The following ADGB variants were observed in gnomAD, a reference collection of about 807,000 sequenced individuals.
ADGB encodes the protein androglobin, also known as calpain-7-like protein.
A neutral mutation model predicts 210.5 loss-of-function variants in ADGB; 172 were observed. The observed-to-expected ratio is 0.82, with a 90% CI of 0.72 to 0.93. The LOEUF (loss-of-function observed/expected upper bound fraction) is 0.93. Ranked by LOEUF, ADGB falls within the 40% of genes least tolerant of loss-of-function variation. The pLI is 0.00. For missense variants in ADGB, 2,025 were observed against 1,964.8 expected, an observed-to-expected ratio of 1.03 and a Z score of -0.58; for synonymous variants, 658 against 662.7, an observed-to-expected ratio of 0.99 and a Z score of 0.11.
chr6:146,714,874 ATTTTT>A (rs1363228381), intron 13 of ADGB, among the ~76,000 whole-genome samples: 19 of 152,138 alleles, frequency 1.2e-4, no homozygotes, highest in African/African-American at 4.3e-4. Flanking sequence ...TTTTATATTT[ATTTTT>A]GTGTTCCAGA....
chr6:146,761,952 G>A (rs1051206859), intron 27 of ADGB, among the ~76,000 whole-genome samples: 4 of 151,986 alleles, frequency 2.6e-5, no homozygotes, highest in African/African-American at 9.7e-5. Flanking sequence ...GCCTATCTCT[G>A]CCAACATCTT....
intron 4 of ADGB, among the ~76,000 whole-genome samples, chr6:146,655,553 G>A (rs1003195072): frequency 6.6e-6 from 1 of 152,108 alleles, no homozygotes; most frequent in Non-Finnish European, 1.5e-5. Context: ...GAGGAGTGGG[G>A]CATAGTCAAT....
chr6:146,711,475 T>A (rs539672888), intron 13 of ADGB, among the ~76,000 whole-genome samples: 1 of 152,252 alleles, frequency 6.6e-6, no homozygotes, highest in East Asian at 1.9e-4. Flanking sequence ...TCTGATGGAC[T>A]TCCTATTTTT....
chr6:146,686,678 A>C (rs183341986), intron 10 of ADGB, among the ~76,000 whole-genome samples: 294 of 152,272 alleles, frequency 1.9e-3, no homozygotes, highest in African/African-American at 6.6e-3. Context: ...AAGTCCATCA[A>C]GTTATTAACA....
rs1215294184 is a variant in ADGB, at chr6:146,672,427, A to G, written c.1047A>G (p.Thr349=). 1 of 1,550,652 alleles carries G rather than the reference A, an allele frequency of 6.4e-7. No homozygotes were observed. The highest frequency in any genetic ancestry group is 2.0e-5 in the Admixed American group (1 of 50,794). Residue 349 remains threonine (T), a synonymous_variant, in exon 8 of 36, where the codon ACA becomes ACG. Transcript: ENST00000397944. ...VKEFKPESSL[T]TLKAPEKSDK... ...AATTCAAACCTGAAAGTTCTTTGACAACACTAAAGGCTCCTGAGAAAAGCG... is the reference window on the plus strand; with the variant it reads ...AATTCAAACCTGAAAGTTCTTTGACGACACTAAAGGCTCCTGAGAAAAGCG...
chr6:146,723,224 C>A (rs1283348595), intron 17 of ADGB, among the ~76,000 whole-genome samples: 1 of 152,108 alleles, frequency 6.6e-6, no homozygotes, highest in Non-Finnish European at 1.5e-5. Context: ...CATTTAAATT[C>A]TATAGGCATG....
intron 5 of ADGB, among the ~76,000 whole-genome samples, chr6:146,658,872 C>G (rs1212618009): frequency 3.3e-5 from 5 of 152,170 alleles, no homozygotes; most frequent in African/African-American, 1.2e-4. Flanking sequence ...CCTCAGTGGT[C>G]TCATCAGAGG....
intron 26 of ADGB, among the ~76,000 whole-genome samples, chr6:146,751,224 T>C (rs147076344): frequency 0.011 from 1,665 of 150,974 alleles, 23 homozygotes; most frequent in African/African-American, 0.035. Flanking sequence ...AGTGAGAATA[T>C]GCAGTGTTTG....
chr6:146,746,055 C>A lies in ADGB; in HGVS notation c.3311C>A (p.Ala1104Asp), dbSNP rs1358376388. The A allele has an allele frequency of 2.6e-6, 4 of 1,550,262 alleles. No homozygotes were observed. In the African/African-American group the frequency reaches 4.1e-5, roughly 16 times the overall value. The change falls in exon 26 of 36, where the codon GCC (alanine) becomes GAC (aspartate). Residue 1104 changes from alanine to aspartate, a missense_variant. Ala to Asp is a moderately radical substitution (Grantham distance 126). Transcript: ENST00000397944. ...CGAGACTCTCCATGCAATTCCTTTG[C>A]CATAAAGGAAATCCGAGATTACTAC... is the stretch of plus-strand genomic sequence containing the variant. ...LSRDSPCNSF[A>D]IKEIRDYYIP...
intron 27 of ADGB, among the ~76,000 whole-genome samples, chr6:146,753,600 C>A (rs1196639266): frequency 6.6e-6 from 1 of 151,792 alleles, no homozygotes. Context: ...AAAGTTCCTT[C>A]TATTGATAGC....
At chr6:146,742,924 T>G (rs867668725) in intron 25 of ADGB, among the ~76,000 whole-genome samples, 3 of 152,176 alleles carry the variant, frequency 2.0e-5, no homozygotes, top group East Asian at 3.9e-4. Context: ...TTAGTGTTAG[T>G]GCATTTTATG....
chr6:146,802,925 T>G, intron 35 of ADGB: 1 of 1,610,600 alleles, frequency 6.2e-7, no homozygotes, highest in East Asian at 2.2e-5. Context: ...AATATTTCCA[T>G]CATTTAAAAT....
chr6:146,810,588 A>G (rs1778289400), intron 35 of ADGB, among the ~76,000 whole-genome samples: 1 of 151,518 alleles, frequency 6.6e-6, no homozygotes, highest in Middle Eastern at 3.4e-3. Flanking sequence ...AAAATGTGGT[A>G]TATATATATA....
Position 146,790,967 on chromosome 6 carries a change from T to C in ADGB, c.4537+2357T>C, listed in dbSNP as rs184798326. 6.4e-4 allele frequency among the ~76,000 whole-genome samples: 97 copies of C among 152,334 alleles called. No homozygotes were observed. In the East Asian group the frequency reaches 0.016, roughly 26 times the overall value. ...GAGATGTTAATCATCTTTTTATATATGTGTGGGTCATTTGTGTCTCTTCTT... is the reference window on the plus strand; with the variant it reads ...GAGATGTTAATCATCTTTTTATATACGTGTGGGTCATTTGTGTCTCTTCTT... On this transcript the variant is annotated intron_variant, in intron 33 of 35. Coordinates refer to ENST00000397944, the MANE Select transcript of ADGB (RefSeq NM_024694.4).
intron 14 of ADGB, 65 bp from the exon 15 acceptor site, chr6:146,716,817 AT>A: frequency 1.4e-6 from 2 of 1,388,494 alleles, no homozygotes; most frequent in Non-Finnish European, 1.9e-6. Context: ...TCCCTTTATC[AT>A]TTTACATATT....
intron 13 of ADGB, among the ~76,000 whole-genome samples, chr6:146,713,106 A>C (rs945940480): frequency 1.3e-5 from 2 of 152,224 alleles, no homozygotes; most frequent in Admixed American, 6.5e-5. Flanking sequence ...CCTGTTGAAG[A>C]CTGAATGATA....
chr6:146,611,176 A>G (rs1363822194), intron 1 of ADGB, among the ~76,000 whole-genome samples: 1 of 151,992 alleles, frequency 6.6e-6, no homozygotes, highest in Non-Finnish European at 1.5e-5. Context: ...GGAAGTGGTC[A>G]CTAGGAAGCA....
intron 35 of ADGB, chr6:146,807,294 A>G (rs764110359): frequency 1.7e-5 from 18 of 1,090,334 alleles, no homozygotes; most frequent in Middle Eastern, 2.2e-4. Flanking sequence ...CATTTTGCCT[A>G]TGAATGTGTG....
At chr6:146,726,301 A>C (rs1233354240) in intron 19 of ADGB, 104 bp downstream of exon 19, 20 of 686,288 alleles carry the variant, frequency 2.9e-5, no homozygotes, top group East Asian at 8.9e-5. Flanking sequence ...GGCTCACTGC[A>C]ACCTCTGCCT....
Sources: gnomAD v4.1 joint callset for allele counts (sites outside exome capture counted in the v4.1 genomes callset) on GRCh38, gnomAD v4.1.1 for gene constraint, MANE v1.5 for transcripts, NCBI Gene and HGNC (gene_info 2026-07-23, HGNC 2026-07-21) for gene names.